The following LAMA3 variants were observed in gnomAD, a reference collection of about 807,000 sequenced individuals.
LAMA3 encodes the protein laminin subunit alpha-3.
A neutral mutation model predicts 402.0 loss-of-function variants in LAMA3; 281 were observed. That is an observed-to-expected ratio of 0.70 (90% CI 0.63 to 0.77). The LOEUF (loss-of-function observed/expected upper bound fraction) is 0.77. Among genes scored for constraint, LAMA3 ranks in the 30% least tolerant of loss-of-function variants. LAMA3 has a pLI of 0.00. For missense variants in LAMA3, 3,840 were observed against 4,215.5 expected, an observed-to-expected ratio of 0.91 and a Z score of 2.47; for synonymous variants, 1,431 against 1,558.4, an observed-to-expected ratio of 0.92 and a Z score of 1.93.
intron 44 of LAMA3, among the ~76,000 whole-genome samples, chr18:23,896,850 G>A (rs947048367): frequency 2.0e-4 from 30 of 152,148 alleles, no homozygotes; most frequent in Non-Finnish European, 2.6e-4. Context: ...GGTTCGAGTA[G>A]GGGTGGTGAT....
At chr18:23,917,084 A>G (rs962683158) in intron 60 of LAMA3, among the ~76,000 whole-genome samples, 5 of 151,944 alleles carry the variant, frequency 3.3e-5, no homozygotes, top group African/African-American at 1.2e-4. Flanking sequence ...TGTGTACTCA[A>G]TGTTTAACTC....
intron 62 of LAMA3, among the ~76,000 whole-genome samples, chr18:23,927,820 G>C (rs986375254): frequency 1.3e-5 from 2 of 151,848 alleles, no homozygotes; most frequent in African/African-American, 4.8e-5. Flanking sequence ...AGCGGGGAGG[G>C]ACGGGCAGTT....
At position 23,834,149 on chromosome 18, in the gene LAMA3, T is replaced by G. The variant is rs1433165804; in HGVS notation, c.2984+161T>G. On this transcript the variant is annotated intron_variant, in intron 24 of 74. Coordinates refer to ENST00000313654, the MANE Select transcript of LAMA3 (RefSeq NM_198129.4). ...GTGTGGCCCAACGTCATCACCAGTG[T>G]GGGTATTGGGAGTCCTCTCTATGGG... The G allele has an allele frequency of 5.3e-6, 4 of 757,718 alleles. No individual in the cohort carries two copies. In the Admixed American group the frequency reaches 8.0e-5, roughly 15 times the overall value. 46.9% of individuals were successfully genotyped at this position (757,718 alleles called of 1,614,324 possible).
chr18:23,766,458 AG>A (rs2062076690), intron 8 of LAMA3, among the ~76,000 whole-genome samples: 1 of 152,232 alleles, frequency 6.6e-6, no homozygotes, highest in Non-Finnish European at 1.5e-5. Context: ...TAGGTTAAAG[AG>A]AGGTAATACG....
At chr18:23,854,585 G>A (rs1443310469) in intron 32 of LAMA3, among the ~76,000 whole-genome samples, 1 of 151,808 alleles carries the variant, frequency 6.6e-6, no homozygotes, top group Non-Finnish European at 1.5e-5. Context: ...AGCTTGCAGT[G>A]AGCCGAGATT....
chr18:23,795,608 C>T (rs186249306), intron 12 of LAMA3, among the ~76,000 whole-genome samples: 23 of 152,202 alleles, frequency 1.5e-4, no homozygotes, highest in Non-Finnish European at 2.9e-4. Context: ...TACAATTTCA[C>T]GTGACAGAAA....
In LAMA3 at chr18:23,954,521, G is replaced by A; in HGVS notation, c.9875G>A (p.Arg3292Lys). The change falls in exon 75 of 75, where the codon AGG becomes AAG. Residue 3292 changes from arginine to lysine, a missense_variant. Arg to Lys is a conservative substitution (Grantham distance 26). Coordinates refer to ENST00000313654, the MANE Select transcript of LAMA3 (RefSeq NM_198129.4). ...CTTTCAGCCAATTTGACGACACTGA[G>A]GATCCCTGTGTGGAAATCATTCTTT... ...GGAPANLTTL[R>K]IPVWKSFFGC... The A allele has an allele frequency of 6.2e-7, 1 of 1,613,930 alleles. No homozygotes were observed. The highest frequency in any genetic ancestry group is 8.5e-7 in the Non-Finnish European group (1 of 1,179,968).
At chr18:23,919,157 T>G (rs1305620608) in intron 60 of LAMA3, among the ~76,000 whole-genome samples, 1 of 152,186 alleles carries the variant, frequency 6.6e-6, no homozygotes, top group African/African-American at 2.4e-5. Flanking sequence ...CTCAGTAAAT[T>G]GGTGTAACTC....
chr18:23,762,509 A>G (rs926884978), intron 7 of LAMA3, among the ~76,000 whole-genome samples: 1 of 151,490 alleles, frequency 6.6e-6, no homozygotes, highest in Non-Finnish European at 1.5e-5. Flanking sequence ...GAATCGCTTG[A>G]ACCCAGGAGG....
At chr18:23,896,673 A>G (rs76484556) in intron 44 of LAMA3, among the ~76,000 whole-genome samples, 158 of 152,302 alleles carry the variant, frequency 1.0e-3, no homozygotes, top group African/African-American at 3.0e-3. Context: ...AAGCTGCCCA[A>G]TGCTCATCGT....
intron 55 of LAMA3, among the ~76,000 whole-genome samples, chr18:23,911,882 A>G (rs1459616080): frequency 2.0e-5 from 3 of 146,430 alleles, no homozygotes; most frequent in Admixed American, 6.9e-5. Flanking sequence ...AAAATTATAT[A>G]TTACATACAA....
intron 37 of LAMA3, among the ~76,000 whole-genome samples, chr18:23,870,450 A>G (rs2064485467): frequency 6.6e-6 from 1 of 152,224 alleles, no homozygotes; most frequent in Non-Finnish European, 1.5e-5. Flanking sequence ...AATTAAAAGT[A>G]GGATTACCAT....
chr18:23,830,205 G>A (rs73398319), intron 23 of LAMA3, among the ~76,000 whole-genome samples: 1 of 152,004 alleles, frequency 6.6e-6, no homozygotes, highest in Non-Finnish European at 1.5e-5. Context: ...ATCCAGAGTT[G>A]GTCTCTCTTG....
intron 1 of LAMA3, among the ~76,000 whole-genome samples, chr18:23,690,188 G>C (rs187020714): frequency 9.0e-4 from 137 of 152,306 alleles, no homozygotes; most frequent in Non-Finnish European, 1.2e-4. Flanking sequence ...AGGCGAGGAG[G>C]GGGAGCACGC....
At chr18:23,698,814 G>A (rs1456407509) in intron 1 of LAMA3, among the ~76,000 whole-genome samples, 2 of 152,194 alleles carry the variant, frequency 1.3e-5, no homozygotes, top group African/African-American at 4.8e-5. Context: ...TGGAAGTACA[G>A]TTACAAGGCA....
chr18:23,841,805 G>A lies in LAMA3; in HGVS notation c.3337-590G>A, dbSNP rs138887393. On this transcript the variant is annotated intron_variant, in intron 27 of 74. Coordinates refer to ENST00000313654, the MANE Select transcript of LAMA3 (RefSeq NM_198129.4). ...GGCATGATGGCACGTACTTGTAGTC[G>A]TAGCTACTTGGGAGGCTGAAGTGGG... Among the ~76,000 whole-genome samples, 1,156 of 152,136 alleles carry A rather than the reference G, an allele frequency of 7.6e-3. 7 individuals are homozygous for A. Among genetic ancestry groups the A allele is most frequent in the Admixed American group, 0.013 (192 of 15,292 alleles).
chr18:23,897,052 A>G (rs1012070406), intron 44 of LAMA3, among the ~76,000 whole-genome samples: 1 of 152,244 alleles, frequency 6.6e-6, no homozygotes, highest in Non-Finnish European at 1.5e-5. Flanking sequence ...GCAGAATGAC[A>G]CCCAATAGAA....
At chr18:23,916,235 G>A (rs1475441731) in intron 59 of LAMA3, among the ~76,000 whole-genome samples, 1 of 151,980 alleles carries the variant, frequency 6.6e-6, no homozygotes, top group Non-Finnish European at 1.5e-5. Flanking sequence ...AAATTACATT[G>A]CAAGTTAATA....
At position 23,928,646 on chromosome 18, in the gene LAMA3, T is replaced by C. The variant is rs777982224; in HGVS notation, c.8317T>C (p.Ser2773Pro). The change falls in exon 64 of 75, where the codon TCC becomes CCC. Residue 2773 changes from serine (S) to proline (P), a missense_variant. Ser to Pro is a moderately conservative substitution (Grantham distance 74, BLOSUM62 -1). Around this residue, in one of 3 missense-constraint regions of LAMA3, gnomAD observed 840 missense variants for 981.9 expected, o/e 0.86. Coordinates refer to ENST00000313654, the MANE Select transcript of LAMA3 (RefSeq NM_198129.4). ...DWKLVRSASF[S>P]RGGQLSFTDL... ...TCAGCTTGTGCGATCTGCCTCATTC[T>C]CCAGAGGAGGACAATTGAGTTTCAC... 1 of 1,614,028 alleles carries C rather than the reference T, an allele frequency of 6.2e-7. No homozygotes were observed.
Sources: allele counts gnomAD v4.1 joint callset (sites outside exome capture counted in the v4.1 genomes callset), GRCh38; gene constraint gnomAD v4.1.1; regional missense constraint gnomAD v4.1.1; transcripts MANE v1.5; gene names NCBI Gene and HGNC (gene_info 2026-07-23, HGNC 2026-07-21).